GSS: variants seen among roughly 807,000 people sequenced by gnomAD.
The protein encoded by GSS is glutathione synthetase, also known as GSH synthetase.
Under a neutral mutation model 60.4 loss-of-function variants are expected in GSS, and 34 were observed. That is an observed-to-expected ratio of 0.56 (90% CI 0.43 to 0.75). The LOEUF (loss-of-function observed/expected upper bound fraction) is 0.75. GSS is among the 30% of genes least tolerant of loss of function. GSS has a pLI of 0.00. For missense variants in GSS, 499 were observed against 595.1 expected, an observed-to-expected ratio of 0.84 and a Z score of 1.68; for synonymous variants, 224 against 239.0, an observed-to-expected ratio of 0.94 and a Z score of 0.58.
At chr20:34,949,224 A>C (rs1473813846) in intron 2 of GSS, among the ~76,000 whole-genome samples, 1 of 152,128 alleles carries the variant, frequency 6.6e-6, no homozygotes, top group Non-Finnish European at 1.5e-5. Flanking sequence ...TATTGTAAAA[A>C]ACAAATTAAC....
chr20:34,934,924 T>C (rs2081429354), intron 9 of GSS, among the ~76,000 whole-genome samples: 1 of 152,244 alleles, frequency 6.6e-6, no homozygotes, highest in Non-Finnish European at 1.5e-5. Context: ...AGAGCAGAGC[T>C]TCTTAGCCTC....
intron 9 of GSS, among the ~76,000 whole-genome samples, chr20:34,934,330 G>A (rs144978325): frequency 1.3e-5 from 2 of 149,134 alleles, no homozygotes; most frequent in African/African-American, 5.0e-5. Context: ...AGGCTGGAGT[G>A]CAGTGGCATG....
Position 34,942,487 on chromosome 20 carries a change from C to G in GSS, c.491+1G>C, listed in dbSNP as rs2081491020. 3 of 1,613,156 alleles carry G rather than the reference C, an allele frequency of 1.9e-6. No individual in the cohort carries two copies. In the African/African-American group the frequency reaches 4.0e-5, roughly 22 times the overall value. ...TGCCGGGGGCTGCCCAGGGGACCCA[C>G]CGGTGCACAGCTGGGGTCCGGGAGG... On this transcript the variant is annotated splice_donor_variant, in intron 5 of 12. Coordinates refer to ENST00000651619, the MANE Select transcript of GSS (RefSeq NM_000178.4). LOFTEE classifies it high-confidence loss of function.
At chr20:34,935,716 G>A (rs2081435942) in intron 8 of GSS, 74 bp from the exon 9 acceptor site, 1 of 1,205,382 alleles carries the variant, frequency 8.3e-7, no homozygotes, top group Non-Finnish European at 1.2e-6. Flanking sequence ...CTATTTCAGG[G>A]TGCATCAAGA....
chr20:34,935,551 G>A (rs749141246), intron 9 of GSS, 25 bp downstream of exon 9: 2 of 1,551,138 alleles, frequency 1.3e-6, no homozygotes, highest in East Asian at 4.5e-5. Context: ...AGGAGGCAAA[G>A]AATGGTCTCA....
intron 6 of GSS, 41 bp from the exon 7 acceptor site, chr20:34,937,064 T>C: frequency 6.8e-7 from 1 of 1,466,076 alleles, no homozygotes; most frequent in South Asian, 1.1e-5. Context: ...ACTATAGAAC[T>C]TGTTCTTCTT....
At position 34,932,065 on chromosome 20, in the gene GSS, C is replaced by T; in HGVS notation, c.903G>A (p.Leu301=). 1 of 1,614,124 alleles carries T rather than the reference C, an allele frequency of 6.2e-7. No individual in the cohort carries two copies. Among genetic ancestry groups the T allele is most frequent in the Non-Finnish European group, 8.5e-7 (1 of 1,179,948 alleles). ...AAKCPDIATQ[L]AGTKKVQQEL... is the part of the protein sequence containing the mutation. ...CCTGCTGCACCTTCTTAGTCCCAGC[C>T]AGCTGGGTGGCAATGTCTGGGCACT... is the stretch of plus-strand genomic sequence containing the variant. The change falls in exon 10 of 13, where the codon CTG becomes CTA. Residue 301 remains leucine (L), a synonymous_variant. Coordinates refer to ENST00000651619, the MANE Select transcript of GSS (RefSeq NM_000178.4).
At chr20:34,934,557 G>A (rs34600433) in intron 9 of GSS, among the ~76,000 whole-genome samples, 2 of 152,238 alleles carry the variant, frequency 1.3e-5, no homozygotes, top group African/African-American at 2.4e-5. Context: ...GATTATAGGC[G>A]TGAACCACCG....
intron 2 of GSS, among the ~76,000 whole-genome samples, chr20:34,949,044 T>G (rs1310993623): frequency 6.7e-6 from 1 of 150,014 alleles, no homozygotes; most frequent in Non-Finnish European, 1.5e-5. Context: ...ATTTCATGAT[T>G]TTTTTTTTTA....
chr20:34,932,424 T>C (rs1391213428), intron 9 of GSS, among the ~76,000 whole-genome samples: 4 of 152,168 alleles, frequency 2.6e-5, no homozygotes, highest in African/African-American at 9.7e-5. Flanking sequence ...TGTTCCATAC[T>C]CCCTACCATG....
intron 6 of GSS, among the ~76,000 whole-genome samples, chr20:34,939,987 G>A (rs2081470238): frequency 6.6e-6 from 1 of 151,964 alleles, no homozygotes; most frequent in Non-Finnish European, 1.5e-5. Context: ...ATTATTGAAA[G>A]TACCACATAA....
rs1336995580 is a variant in GSS at position 34,929,384 on chromosome 20, TCTC to T, written c.1301+14_1301+16del. On this transcript the variant is annotated intron_variant, in intron 12 of 12. Coordinates refer to ENST00000651619, the MANE Select transcript of GSS (RefSeq NM_000178.4). ...TTGCAAGCAGGTAGTGGAAAGAGCT[TCTC>T]CTGATTGGCTCACCTGACATAGACC... The T allele has an allele frequency of 1.9e-6, 3 of 1,608,020 alleles. No homozygotes were observed. The highest frequency in any genetic ancestry group is 1.7e-5 in the Admixed American group (1 of 60,014).
At chr20:34,953,295 CCT>C (rs34197261) in intron 1 of GSS, among the ~76,000 whole-genome samples, 5,859 of 152,272 alleles carry the variant, frequency 0.038, 370 homozygotes, top group African/African-American at 0.13. Flanking sequence ...GCTCTGTCCC[CCT>C]GTCCCCATGA....
At chr20:34,931,000 A>G (rs1295226456) in intron 11 of GSS, among the ~76,000 whole-genome samples, 2 of 152,090 alleles carry the variant, frequency 1.3e-5, no homozygotes, top group Non-Finnish European at 2.9e-5. Flanking sequence ...AGAGGCAGAC[A>G]TGACCCCTGA....
chr20:34,931,319 A>G lies in GSS; in HGVS notation c.1111+17T>C. On this transcript the variant is annotated intron_variant, in intron 11 of 12. Transcript: ENST00000651619. ...GTCCCTCTCATTGAGGAGCCCTGCA[A>G]AGGGAGATCCACCTACCTCCACCCT... 2 of 1,598,164 alleles carry G rather than the reference A, an allele frequency of 1.3e-6. No homozygotes were observed. The highest frequency in any genetic ancestry group is 1.7e-6 in the Non-Finnish European group (2 of 1,165,342).
rs367953336 is a variant in GSS at position 34,928,831 on chromosome 20, C to A, written c.1422G>T (p.Val474=). 1.9e-6 allele frequency: 3 copies of A among 1,614,132 alleles called. No individual in the cohort carries two copies. Among genetic ancestry groups the A allele is most frequent in the East Asian group, 2.2e-5 (1 of 44,888 alleles). Residue 474 remains valine (V), a synonymous_variant, in exon 13 of 13, where the codon GTG becomes GTT. Transcript: ENST00000651619. ...GTCCCGTGGCCTGGTTGTGCCCTCA[C>A]ACAGGGTATGGGTTGTCCAGGACTG... ...GVAVLDNPYP[V]
intron 2 of GSS, among the ~76,000 whole-genome samples, chr20:34,950,960 T>A (rs1285689160): frequency 6.6e-6 from 1 of 152,132 alleles, no homozygotes; most frequent in Non-Finnish European, 1.5e-5. Flanking sequence ...AGGATGAGGT[T>A]TTAAAAAGGT....
intron 6 of GSS, among the ~76,000 whole-genome samples, chr20:34,940,492 G>A (rs1382047988): frequency 6.6e-6 from 1 of 152,176 alleles, no homozygotes; most frequent in South Asian, 2.1e-4. Flanking sequence ...GATTAAGAGT[G>A]GAGGTTTTAG....
At chr20:34,941,883 T>G in intron 5 of GSS, 54 bp from the exon 6 acceptor site, 1 of 936,000 alleles carries the variant, frequency 1.1e-6, no homozygotes, top group South Asian at 1.3e-5. Context: ...AAGACCCCTC[T>G]GCCCATGACC....
Sources: allele counts gnomAD v4.1 joint callset (sites outside exome capture counted in the v4.1 genomes callset), GRCh38; gene constraint gnomAD v4.1.1; transcripts MANE v1.5; gene names NCBI Gene and HGNC (gene_info 2026-07-23, HGNC 2026-07-21).